Variants in ALPL observed in about 807,000 individuals in gnomAD.
The protein encoded by ALPL is alkaline phosphatase, biomineralization associated.
A neutral mutation model predicts 51.3 loss-of-function variants in ALPL; 42 were observed. That is an observed-to-expected ratio of 0.82 (90% CI 0.64 to 1.06). ALPL has a LOEUF of 1.06. Among genes scored for constraint, ALPL ranks in the 50% least tolerant of loss-of-function variants. The probability of loss-of-function intolerance (pLI) is 0.00; values close to 1 mark genes in which losing one functional copy is unlikely to be tolerated. For missense variants in ALPL, 589 were observed against 709.4 expected (o/e 0.83, Z 1.93); for synonymous variants, 279 against 296.4 (o/e 0.94, Z 0.60).
At chr1:21,544,618 C>A (rs754203080) in intron 1 of ALPL, among the ~76,000 whole-genome samples, 1 of 152,132 alleles carries the variant, frequency 6.6e-6, no homozygotes, top group Non-Finnish European at 1.5e-5. Flanking sequence ...TGGTGGCATG[C>A]GCCTGTAGTC....
At chr1:21,531,509 G>A (rs1450674081) in intron 1 of ALPL, among the ~76,000 whole-genome samples, 1 of 152,236 alleles carries the variant, frequency 6.6e-6, no homozygotes, top group Non-Finnish European at 1.5e-5. Flanking sequence ...GCAGAACAAA[G>A]GTGGGTTGGA....
At chr1:21,574,247 C>T (rs536503306) in intron 9 of ALPL, 94 of 976,488 alleles carry the variant, frequency 9.6e-5, no homozygotes, top group East Asian at 2.3e-4. Flanking sequence ...CATCTGCTGG[C>T]GGTGTGACCT....
chr1:21,552,114 T>TCCCCCCCCCCCCCC (rs1244827813), intron 1 of ALPL, among the ~76,000 whole-genome samples: 61 of 51,396 alleles, frequency 1.2e-3, no homozygotes, highest in African/African-American at 1.6e-3. Flanking sequence ...TTTCCTCCCC[T>TCCCCCCCCCCCCCC]TCCCTTTCCT....
Position 21,564,302 on chromosome 1 carries a change from G to C in ALPL, c.648+86G>C. On this transcript the variant is annotated intron_variant, in intron 6 of 11. Coordinates refer to ENST00000374840, the MANE Select transcript of ALPL (RefSeq NM_000478.6). This position sits in a 1 kb window ranked among gnomAD's most constrained non-coding sequence, Gnocchi z 5.8. The stretch of plus-strand genomic sequence containing the variant: ...GGCCTCAGGCCCAGGCTGGCCCGGA[G>C]AAAGCAGCCTGGCCTGGCTCCCCAC... 1 of 1,545,352 alleles carries C rather than the reference G, an allele frequency of 6.5e-7. No homozygotes were observed. The highest frequency in any genetic ancestry group is 1.7e-5 in the Admixed American group (1 of 57,900).
Position 21,578,162 on chromosome 1 carries a change from C to T in ALPL, c.*514C>T, listed in dbSNP as rs1349426240. 6.2e-6 allele frequency: 1 copy of T among 162,386 alleles called. No homozygotes were observed. Among genetic ancestry groups the T allele is most frequent in the African/African-American group, 2.4e-5 (1 of 41,568 alleles). 10.1% of individuals were successfully genotyped at this position (162,386 alleles called of 1,614,324 possible). ...TCCTCAGGACAAGGCCTTGCTCACT[C>T]ACTCACTCCAAGACCACCAGGGTCC... On this transcript the variant is annotated 3_prime_UTR_variant, in exon 12 of 12. Transcript: ENST00000374840. The surrounding 1 kb of genome is among the most constrained non-coding windows in gnomAD (Gnocchi z 4.2).
chr1:21,551,094 C>A (rs1158309756), intron 1 of ALPL, among the ~76,000 whole-genome samples: 1 of 152,172 alleles, frequency 6.6e-6, no homozygotes, highest in African/African-American at 2.4e-5. Context: ...GGCGAGCGGA[C>A]CTTCCGGTAG....
intron 1 of ALPL, among the ~76,000 whole-genome samples, chr1:21,539,217 T>G (rs561194627): frequency 2.6e-5 from 4 of 152,302 alleles, no homozygotes; most frequent in Non-Finnish European, 4.4e-5. Context: ...TGTGTGACCT[T>G]GGGCATGCTC....
intron 1 of ALPL, among the ~76,000 whole-genome samples, chr1:21,535,874 T>A (rs1450484660): frequency 6.6e-6 from 1 of 152,226 alleles, no homozygotes; most frequent in African/African-American, 2.4e-5. Flanking sequence ...GCCCTGCCCC[T>A]GTTTAGCAGA....
Position 21,568,157 on chromosome 1 carries a change from G to T in ALPL, c.702G>T (p.Val234=), listed in dbSNP as rs745924139. The T allele has an allele frequency of 4.3e-6, 7 of 1,614,102 alleles. No homozygotes were observed. In the South Asian group the frequency reaches 7.7e-5, roughly 18 times the overall value. Residue 234 remains valine, a synonymous_variant, in exon 7 of 12, where the codon GTG becomes GTT. Coordinates refer to ENST00000374840, the MANE Select transcript of ALPL (RefSeq NM_000478.6). ...TGTACCCCAAGAATAAAACTGATGTGGAGTATGAGAGTGACGAGAAAGCCA... is the reference window on the plus strand; with the variant it reads ...TGTACCCCAAGAATAAAACTGATGTTGAGTATGAGAGTGACGAGAAAGCCA... The part of the protein sequence containing the change: ...KYMYPKNKTD[V]EYESDEKARG...
intron 1 of ALPL, among the ~76,000 whole-genome samples, chr1:21,513,029 TC>T (rs766578652): frequency 7.2e-5 from 11 of 152,144 alleles, no homozygotes; most frequent in Non-Finnish European, 1.3e-4. Flanking sequence ...GTCGTAGTGT[TC>T]TTTCCTGGCT....
At chr1:21,554,875 CTCT>C (rs1644389542) in intron 2 of ALPL, among the ~76,000 whole-genome samples, 1 of 131,626 alleles carries the variant, frequency 7.6e-6, no homozygotes, top group African/African-American at 2.8e-5. Context: ...CTTTCTTTCT[CTCT>C]TTCTTTCTTT....
chr1:21,521,165 G>A (rs976926265), intron 1 of ALPL, among the ~76,000 whole-genome samples: 1 of 152,074 alleles, frequency 6.6e-6, no homozygotes. Flanking sequence ...CTAATAAGAT[G>A]CCTGCTTTCA....
intron 7 of ALPL, among the ~76,000 whole-genome samples, chr1:21,568,641 G>T (rs1644603507): frequency 2.6e-5 from 4 of 152,088 alleles, no homozygotes. Flanking sequence ...GCCCTGGGGG[G>T]ACAGATGACA....
chr1:21,528,296 C>T (rs1352692798), intron 1 of ALPL, among the ~76,000 whole-genome samples: 3 of 149,094 alleles, frequency 2.0e-5, no homozygotes, highest in South Asian at 2.1e-4. Flanking sequence ...CTGAGATTTA[C>T]AGGAGTGACC....
intron 1 of ALPL, among the ~76,000 whole-genome samples, chr1:21,511,432 C>T (rs941632072): frequency 2.0e-5 from 3 of 152,162 alleles, no homozygotes; most frequent in African/African-American, 4.8e-5. Flanking sequence ...TGAATGCTTG[C>T]GAAGGGTTTA....
intron 1 of ALPL, among the ~76,000 whole-genome samples, chr1:21,549,410 T>G (rs1429904942): frequency 6.6e-6 from 1 of 152,172 alleles, no homozygotes; most frequent in Non-Finnish European, 1.5e-5. Context: ...AGTTCCTGAT[T>G]GTCTCCACCT....
In ALPL at chr1:21,570,373, G is replaced by A; in HGVS notation, c.861G>A (p.Leu287=). 1 of 1,614,032 alleles carries A rather than the reference G, an allele frequency of 6.2e-7. No homozygotes were observed. The highest frequency in any genetic ancestry group is 8.5e-7 in the Non-Finnish European group (1 of 1,179,958). ...TLDPHNVDYL[L]GLFEPGDMQY... is the part of the protein sequence containing the mutation. ...ACCCCCACAATGTGGACTACCTATT[G>A]GGTAAGTGGAGGGGGTGGAGGGGAG... Residue 287 remains leucine (L), a splice_region_variant and synonymous_variant, in exon 8 of 12, where the codon TTG becomes TTA. Coordinates refer to ENST00000374840, the MANE Select transcript of ALPL (RefSeq NM_000478.6).
chr1:21,512,296 A>G (rs1643704651), intron 1 of ALPL, among the ~76,000 whole-genome samples: 1 of 152,166 alleles, frequency 6.6e-6, no homozygotes, highest in Non-Finnish European at 1.5e-5. Flanking sequence ...CAGCACTGCC[A>G]TGCGACCCTG....
chr1:21,549,288 A>G (rs1644290469), intron 1 of ALPL, among the ~76,000 whole-genome samples: 2 of 152,012 alleles, frequency 1.3e-5, no homozygotes, highest in African/African-American at 4.8e-5. Context: ...ATGATTCCCA[A>G]ATTTATACTC....
Sources: allele counts gnomAD v4.1 joint callset (sites outside exome capture counted in the v4.1 genomes callset), GRCh38; gene constraint gnomAD v4.1.1; non-coding constraint Gnocchi (gnomAD v3.1); transcripts MANE v1.5; gene names NCBI Gene and HGNC (gene_info 2026-07-23, HGNC 2026-07-21).